RBM41: variants seen among roughly 807,000 people sequenced by gnomAD.
RBM41 encodes RNA-binding protein 41.
Under a neutral mutation model 30.8 loss-of-function variants are expected in RBM41, and 14 were observed. The ratio of observed to expected loss-of-function variants is 0.45; its 90% CI spans 0.30 to 0.71. The LOEUF (loss-of-function observed/expected upper bound fraction) is 0.71. RBM41 is among the 30% of genes least tolerant of loss of function. The probability of loss-of-function intolerance (pLI) is 0.08; values close to 1 mark genes in which losing one functional copy is unlikely to be tolerated. For missense variants in RBM41, 276 were observed against 326.3 expected (o/e 0.85, Z 1.19); for synonymous variants, 120 against 110.1 (o/e 1.09, Z -0.56).
chrX:107,104,235 A>G (rs953691297), intron 5 of RBM41, among the ~76,000 whole-genome samples: 3 of 111,901 alleles, frequency 2.7e-5, no homozygotes, highest in African/African-American at 9.7e-5. Flanking sequence ...TCATTAATAA[A>G]TATTTAACTC....
At chrX:107,106,395 A>G (rs1282079888) in intron 5 of RBM41, among the ~76,000 whole-genome samples, 1 of 111,562 alleles carries the variant, frequency 9.0e-6, no homozygotes, top group Non-Finnish European at 1.9e-5. Context: ...ATGTGGAGAA[A>G]TAGGAACACT....
downstream of RBM41, among the ~76,000 whole-genome samples, chrX:107,061,603 C>T (rs965499103): frequency 1.8e-5 from 2 of 111,453 alleles, no homozygotes; most frequent in Non-Finnish European, 3.8e-5. Context: ...TATGTGTATA[C>T]GAATTTTTTC....
rs1042057713 is a variant in RBM41 at position 107,065,473 on chromosome X, T to C, written c.*2054A>G. On this transcript the variant is annotated 3_prime_UTR_variant, in exon 8 of 8. Transcript: ENST00000685964. ...CAGATAAACACTAACTTAATTCCAATGTAACAACCCTATTCCTATATAAAC... is the reference window on the plus strand; with the variant it reads ...CAGATAAACACTAACTTAATTCCAACGTAACAACCCTATTCCTATATAAAC... 3.3e-4 allele frequency: 65 copies of C among 198,266 alleles called. No homozygotes were observed. Among genetic ancestry groups the C allele is most frequent in the African/African-American group, 1.8e-3 (61 of 33,963 alleles). The allele number at this position is 198,266 out of a possible 1,213,427, so 16.3% of individuals were successfully genotyped here.
intron 6 of RBM41, among the ~76,000 whole-genome samples, chrX:107,085,253 T>C (rs1921918797): frequency 1.2e-5 from 1 of 86,014 alleles, no homozygotes; most frequent in Non-Finnish European, 2.1e-5. Context: ...TTCTTTTTTT[T>C]CTTTTTCTTT....
At chrX:107,087,319 A>C (rs1464290380) in intron 6 of RBM41, among the ~76,000 whole-genome samples, 1 of 111,747 alleles carries the variant, frequency 8.9e-6, no homozygotes, top group Non-Finnish European at 1.9e-5. Context: ...AATAGTATAA[A>C]TACCCCCGAA....
intron 6 of RBM41, among the ~76,000 whole-genome samples, chrX:107,086,559 G>A (rs1473984928): frequency 9.0e-6 from 1 of 111,445 alleles, no homozygotes; most frequent in African/African-American, 3.3e-5. Flanking sequence ...CACACATTAT[G>A]TCACATATAC....
chrX:107,088,767 T>C lies in RBM41; in HGVS notation c.668A>G (p.Lys223Arg), dbSNP rs771396031. 15 of 1,209,557 alleles carry C rather than the reference T, an allele frequency of 1.2e-5. No individual in the cohort carries two copies. The highest frequency in any genetic ancestry group is 1.8e-5 in the African/African-American group (1 of 56,975). ...AAGTTGAAACTCTTCAAGACGTTTTTTCATTATCATCTCTTGGTAAAAACT... is the reference window on the plus strand; with the variant it reads ...AAGTTGAAACTCTTCAAGACGTTTTCTCATTATCATCTCTTGGTAAAAACT... ...LESFYQEMIM[K>R]KRLEEFQLMR... is the part of the protein sequence containing the mutation. Residue 223 changes from lysine (K) to arginine (R), a missense_variant, in exon 6 of 8, where the codon AAA becomes AGA. Lys to Arg is a conservative substitution (Grantham distance 26). Transcript: ENST00000685964.
In RBM41 at chrX:107,088,563, C is replaced by T. The variant is rs2147602692; in HGVS notation, c.872G>A (p.Gly291Glu). Residue 291 changes from glycine to glutamate, a missense_variant, in exon 6 of 8, where the codon GGG becomes GAG. Gly to Glu is a moderately conservative substitution (Grantham distance 98). Coordinates refer to ENST00000685964, the MANE Select transcript of RBM41 (RefSeq NM_001324242.2). ...TATTGGCTGCGTCAGCTTCTTAGGC[C>T]CAGTCCAACACTGCTCAGGTGAAAA... Reference protein sequence around the residue: ...IDFSPEQCWTGPKKLTQPIEF... With the variant: ...IDFSPEQCWTEPKKLTQPIEF... 8.3e-7 allele frequency: 1 copy of T among 1,211,343 alleles called. No individual in the cohort carries two copies. The highest frequency in any genetic ancestry group is 3.0e-5 in the East Asian group (1 of 33,824).
At chrX:107,074,793 G>C (rs1359432729) in intron 6 of RBM41, among the ~76,000 whole-genome samples, 1 of 111,985 alleles carries the variant, frequency 8.9e-6, no homozygotes, top group Non-Finnish European at 1.9e-5. Context: ...AAGGTATCCT[G>C]TGTTCATGGA....
rs151048526 is a variant in RBM41, at chrX:107,087,869, T to C, written c.999+567A>G. Among the ~76,000 whole-genome samples, 82 of 112,620 alleles carry C rather than the reference T, an allele frequency of 7.3e-4. 1 individual carries two copies. The East Asian group carries it at 0.018, about 24-fold the overall frequency. ...CGCCTGCCTCAGCCTCCCAAAGTGCTTGGATTACAGGCATGAGCCACCACA... is the reference window on the plus strand; with the variant it reads ...CGCCTGCCTCAGCCTCCCAAAGTGCCTGGATTACAGGCATGAGCCACCACA... On this transcript the variant is annotated intron_variant, in intron 6 of 7. Transcript: ENST00000685964.
intron 4 of RBM41, 197 bp downstream of exon 4, chrX:107,115,155 T>C (rs1924790570): frequency 2.3e-5 from 10 of 443,716 alleles, no homozygotes; most frequent in Non-Finnish European, 3.8e-5. Context: ...TATTCAAATC[T>C]CTATAATAGC....
At chrX:107,089,041 G>C (rs962990134) in intron 5 of RBM41, among the ~76,000 whole-genome samples, 2 of 111,378 alleles carry the variant, frequency 1.8e-5, no homozygotes, top group Admixed American at 9.6e-5. Flanking sequence ...ACTATGGTGA[G>C]GCAAGTGAGG....
Position 107,083,581 on chromosome X carries a change from C to CT in RBM41, c.999+4854dup, listed in dbSNP as rs766357394. On this transcript the variant is annotated intron_variant, in intron 6 of 7. Transcript: ENST00000685964. ...CCCATAGTTCTTGGATATTCTGTTC[C>CT]TTTTTTTCAGTCTTTTTTTCCTTTG... Among the ~76,000 whole-genome samples the CT allele has an allele frequency of 2.7e-5, 3 of 111,049 alleles. No homozygotes were observed. The East Asian group carries it at 8.5e-4, about 31-fold the overall frequency.
At chrX:107,079,882 T>C (rs1451970391) in intron 6 of RBM41, among the ~76,000 whole-genome samples, 1 of 111,979 alleles carries the variant, frequency 8.9e-6, no homozygotes, top group Non-Finnish European at 1.9e-5. Flanking sequence ...CAATATGCAG[T>C]CTTTCCATAC....
At chrX:107,060,264 A>G (rs75929289), downstream of RBM41, among the ~76,000 whole-genome samples, 4 of 110,793 alleles carry the variant, frequency 3.6e-5, no homozygotes, top group African/African-American at 1.3e-4. Context: ...AAAAAAAAAA[A>G]AGAAAATCAC....
At chrX:107,059,701 T>C (rs1390286724), downstream of RBM41, among the ~76,000 whole-genome samples, 1 of 111,520 alleles carries the variant, frequency 9.0e-6, no homozygotes, top group African/African-American at 3.3e-5. Context: ...TTCTATATAA[T>C]AGAGATCAAA....
the RBM41 span, among the ~76,000 whole-genome samples, chrX:107,056,592 G>A: frequency 2.7e-5 from 3 of 111,313 alleles, no homozygotes; most frequent in Admixed American, 9.5e-5. Context: ...TTCTTTGTGC[G>A]TCAATTTTGG....
intron 5 of RBM41, among the ~76,000 whole-genome samples, chrX:107,110,406 T>A (rs915555378): frequency 9.0e-6 from 1 of 111,311 alleles, no homozygotes; most frequent in African/African-American, 3.2e-5. Context: ...GGTAAAAGAC[T>A]TATACACTGA....
intron 5 of RBM41, among the ~76,000 whole-genome samples, chrX:107,111,544 A>T (rs1354215354): frequency 9.0e-6 from 1 of 111,344 alleles, no homozygotes; most frequent in Non-Finnish European, 1.9e-5. Flanking sequence ...ATTTCTGAGT[A>T]TATACCTACA....
Sources: allele counts gnomAD v4.1 joint callset (sites outside exome capture counted in the v4.1 genomes callset), GRCh38; gene constraint gnomAD v4.1.1; transcripts MANE v1.5; gene names NCBI Gene and HGNC (gene_info 2026-07-23, HGNC 2026-07-21).